NBEAL2: variants seen among roughly 807,000 people sequenced by gnomAD.
NBEAL2 encodes neurobeachin like 2, also known as neurobeachin-like protein 2.
NBEAL2 carries 160 observed loss-of-function variants against 299.8 expected under a neutral mutation model. The ratio of observed to expected loss-of-function variants is 0.53; its 90% CI spans 0.47 to 0.61. The LOEUF is 0.61. Ranked by LOEUF, NBEAL2 falls within the 20% of genes least tolerant of loss-of-function variation. NBEAL2 has a pLI of 0.00. For missense variants in NBEAL2, 3,112 were observed against 3,649.0 expected, an observed-to-expected ratio of 0.85 and a Z score of 3.79; for synonymous variants, 1,493 against 1,542.3, an observed-to-expected ratio of 0.97 and a Z score of 0.75.
rs1553657608 is a variant in NBEAL2 at position 46,991,333 on chromosome 3, G to C, written c.642+29G>C. ...GGCTGGGAGGTGAGCCTGTGGACTA[G>C]AGAGCAGCTCTTTCAGTATCTCTCT... On this transcript the variant is annotated intron_variant, in intron 7 of 53. Coordinates refer to ENST00000450053, the MANE Select transcript of NBEAL2 (RefSeq NM_015175.3). This position sits in a 1 kb window ranked among gnomAD's most constrained non-coding sequence, Gnocchi z 6.2. The C allele has an allele frequency of 6.3e-7, 1 of 1,588,254 alleles. No homozygotes were observed. The highest frequency in any genetic ancestry group is 1.1e-5 in the South Asian group (1 of 87,598).
chr3:47,009,447 GCTCAGGGATTGGCGGGCGATGTTACCCC>G lies in NBEAL2; in HGVS notation c.*146_*173del, dbSNP rs771350275. The G allele has an allele frequency of 3.1e-5, 27 of 867,914 alleles. No homozygotes were observed. The highest frequency in any genetic ancestry group is 2.2e-4 in the South Asian group (14 of 63,932). The allele number at this position is 867,914 out of a possible 1,614,324, so 53.8% of individuals were successfully genotyped here. ...GGGTGAGCGGGGCCCACCCTGCCCA[GCTCAGGGATTGGCGGGCGATGTTACCCC>G]CTCAGGGATTGGCGGGCGGAAGTCC... is the stretch of plus-strand genomic sequence containing the variant. On this transcript the variant is annotated 3_prime_UTR_variant, in exon 54 of 54. Coordinates refer to ENST00000450053, the MANE Select transcript of NBEAL2 (RefSeq NM_015175.3).
At position 46,982,327 on chromosome 3, in the gene NBEAL2, T is replaced by G. The variant is rs1575578208; in HGVS notation, c.51+2415T>G. On this transcript the variant is annotated intron_variant, in intron 1 of 53. Transcript: ENST00000450053. This position sits in a 1 kb window ranked among gnomAD's most constrained non-coding sequence, Gnocchi z 4.2. ...CTCCCTTCAGCAGTGAGAGCTGACATCAGCTGGCAAACCTGTTTCCCCAGT... is the reference window on the plus strand; with the variant it reads ...CTCCCTTCAGCAGTGAGAGCTGACAGCAGCTGGCAAACCTGTTTCCCCAGT... Among the ~76,000 whole-genome samples, 1 of 152,120 alleles carries G rather than the reference T, an allele frequency of 6.6e-6. No individual in the cohort carries two copies. Among genetic ancestry groups the G allele is most frequent in the East Asian group, 1.9e-4 (1 of 5,180 alleles).
Position 46,999,966 on chromosome 3 carries a change from C to T in NBEAL2, c.3867C>T (p.Thr1289=). 6.2e-7 allele frequency: 1 copy of T among 1,612,062 alleles called. No individual in the cohort carries two copies. The highest frequency in any genetic ancestry group is 1.1e-5 in the South Asian group (1 of 91,080). ...AGGCTGGCTGGCAAGATGTGCTGAC[C>T]CGGCTATATGTCCTGGAGGCTGCCA... ...ARQAGWQDVL[T]RLYVLEAATA... Residue 1289 remains threonine (T), a synonymous_variant, in exon 27 of 54, where the codon ACC becomes ACT. Transcript: ENST00000450053.
chr3:46,995,330 A>T lies in NBEAL2; in HGVS notation c.1595A>T (p.Glu532Val), dbSNP rs1333272912. 6.2e-7 allele frequency: 1 copy of T among 1,601,656 alleles called. No homozygotes were observed. The highest frequency in any genetic ancestry group is 2.3e-5 in the East Asian group (1 of 44,238). The change falls in exon 13 of 54, where the codon GAG (glutamate) becomes GTG (valine). Residue 532 changes from glutamate to valine, a missense_variant. Transcript: ENST00000450053. ...ALGRVSIRPMELRHLLRPRPG... is the reference protein window; with the variant it reads ...ALGRVSIRPMVLRHLLRPRPG... ...GGCCGTGTATCAATAAGGCCCATGG[A>T]GCTGCGTCACCTGCTGCGCCCCCGG...
At position 46,996,274 on chromosome 3, in the gene NBEAL2, T is replaced by G; in HGVS notation, c.2155T>G (p.Phe719Val). The G allele has an allele frequency of 6.2e-7, 1 of 1,606,214 alleles. No homozygotes were observed. The highest frequency in any genetic ancestry group is 8.5e-7 in the Non-Finnish European group (1 of 1,179,766). ...PLRCPSLSEPFSSCCIGSAGY... is the reference protein window; with the variant it reads ...PLRCPSLSEPVSSCCIGSAGY... ...TCCCCCAACCCCGGCCCCACAGCCTTTCTCCTCCTGCTGTATCGGCTCCGC... is the reference window on the plus strand; with the variant it reads ...TCCCCCAACCCCGGCCCCACAGCCTGTCTCCTCCTGCTGTATCGGCTCCGC... Residue 719 changes from phenylalanine (F) to valine (V), a missense_variant, in exon 16 of 54, where the codon TTC becomes GTC. This residue lies in a region of NBEAL2 where 2,243 missense variants were observed against 2,538.1 expected (regional missense o/e 0.88). Transcript: ENST00000450053.
chr3:46,992,094 G>T, intron 9 of NBEAL2, 148 bp downstream of exon 9: 2 of 759,376 alleles, frequency 2.6e-6, no homozygotes, highest in South Asian at 3.2e-5. Flanking sequence ...CAGTGGGAGG[G>T]TGTGGGGCAT....
At chr3:47,007,398 C>A (rs750227379) in intron 47 of NBEAL2, 48 bp downstream of exon 47, 1 of 1,560,550 alleles carries the variant, frequency 6.4e-7, no homozygotes, top group Non-Finnish European at 8.7e-7. Flanking sequence ...GCCCTGCACC[C>A]GGAATTATTC....
chr3:46,994,947 C>T (rs905571825), intron 12 of NBEAL2, 85 bp from the exon 13 acceptor site: 76 of 1,463,254 alleles, frequency 5.2e-5, no homozygotes, highest in Non-Finnish European at 6.5e-5. Flanking sequence ...TGACTGCTGC[C>T]GTAGGCAAGT....
Position 46,995,058 on chromosome 3 carries a change from C to T in NBEAL2, c.1323C>T (p.Cys441=), listed in dbSNP as rs1466515100. ...NMAVEGDHSM[C]PPPPIRNEQP... ...CTGTGGAGGGTGACCACAGCATGTG[C>T]CCACCTCCACCAATCCGCAACGAGC... Residue 441 remains cysteine (C), a synonymous_variant, in exon 13 of 54, where the codon TGC becomes TGT. Transcript: ENST00000450053. 2.6e-6 allele frequency: 4 copies of T among 1,552,798 alleles called. No homozygotes were observed. The South Asian group carries it at 3.5e-5, about 14-fold the overall frequency.
chr3:46,999,542 A>C (rs1231221709), intron 25 of NBEAL2, 68 bp downstream of exon 25: 2 of 1,591,378 alleles, frequency 1.3e-6, no homozygotes, highest in Non-Finnish European at 1.7e-6. Flanking sequence ...AGGCCGGAAG[A>C]AGGAAGATAG....
chr3:47,000,989 C>T lies in NBEAL2; in HGVS notation c.4306-12C>T, dbSNP rs1210060877. 1 of 1,594,196 alleles carries T rather than the reference C, an allele frequency of 6.3e-7. No homozygotes were observed. Among genetic ancestry groups the T allele is most frequent in the Non-Finnish European group, 8.5e-7 (1 of 1,170,496 alleles). ...CACAACCCACGCCCACACCACCCACCTGTGCCCACAGCAAACCTCTGAGGA... is the reference window on the plus strand; with the variant it reads ...CACAACCCACGCCCACACCACCCACTTGTGCCCACAGCAAACCTCTGAGGA... On this transcript the variant is annotated splice_polypyrimidine_tract_variant and intron_variant, in intron 27 of 53. Transcript: ENST00000450053. This position sits in a 1 kb window ranked among gnomAD's most constrained non-coding sequence, Gnocchi z 4.5.
intron 22 of NBEAL2, 50 bp downstream of exon 22, chr3:46,998,615 C>T: frequency 2.5e-6 from 4 of 1,580,736 alleles, no homozygotes; most frequent in Non-Finnish European, 3.4e-6. Flanking sequence ...ACAGTGGCCT[C>T]CGGCCTTGGG....
In NBEAL2 at chr3:46,989,897, G is replaced by A. The variant is rs1273777192; in HGVS notation, c.556+304G>A. On this transcript the variant is annotated intron_variant, in intron 6 of 53. Transcript: ENST00000450053. The surrounding 1 kb of genome is among the most constrained non-coding windows in gnomAD (Gnocchi z 5.5). The stretch of plus-strand genomic sequence containing the variant: ...CCTACTGTGATCTTAAAACTCTCTG[G>A]TCCAATCCCTTTGTCCCCATAGCCT... Among the ~76,000 whole-genome samples the A allele has an allele frequency of 2.0e-5, 3 of 152,070 alleles. No homozygotes were observed. Among genetic ancestry groups the A allele is most frequent in the African/African-American group, 7.3e-5 (3 of 41,378 alleles).
In NBEAL2 at chr3:46,988,100, G is replaced by C; in HGVS notation, c.52-569G>C. The C allele has an allele frequency of 8.3e-7, 1 of 1,203,266 alleles. No homozygotes were observed. 74.5% of individuals were successfully genotyped at this position (1,203,266 alleles called of 1,614,324 possible). On this transcript the variant is annotated intron_variant, in intron 1 of 53. Coordinates refer to ENST00000450053, the MANE Select transcript of NBEAL2 (RefSeq NM_015175.3). This position sits in a 1 kb window ranked among gnomAD's most constrained non-coding sequence, Gnocchi z 4.4. Reference sequence around the variant, plus strand: ...CAGGTAACCAGCAAGGGTGGGTGGAGGTTCCCGGGGCAAGGCAGGGCCGCA... The same window carrying C: ...CAGGTAACCAGCAAGGGTGGGTGGACGTTCCCGGGGCAAGGCAGGGCCGCA...
At position 46,998,975 on chromosome 3, in the gene NBEAL2, ACCTGCTGCTGGCCCTGCTGCACGGTTC is replaced by A. The variant is rs1306448635; in HGVS notation, c.3406_3432del (p.Leu1136_Leu1144del). 4.4e-6 allele frequency: 7 copies of A among 1,607,240 alleles called. No individual in the cohort carries two copies. Among genetic ancestry groups the A allele is most frequent in the Non-Finnish European group, 5.9e-6 (7 of 1,177,270 alleles). ...CATCCCCAGGCGGTGGGTGCGCTGGACCTGCTGCTGGCCCTGCTGCACGGTTCCCTGGTGCAGGAGTCCTTGGCTGTC... is the reference window on the plus strand; with the variant it reads ...CATCCCCAGGCGGTGGGTGCGCTGGACCTGGTGCAGGAGTCCTTGGCTGTC... On this transcript the variant is annotated inframe_deletion, in exon 24 of 54. Transcript: ENST00000450053.
rs1377435970 is a variant in NBEAL2, at chr3:46,993,976, G to A, written c.1153G>A (p.Val385Ile). 1 of 1,612,082 alleles carries A rather than the reference G, an allele frequency of 6.2e-7. No individual in the cohort carries two copies. The highest frequency in any genetic ancestry group is 1.1e-5 in the South Asian group (1 of 90,612). Residue 385 changes from valine (V) to isoleucine (I), a missense_variant, in exon 11 of 54, where the codon GTC becomes ATC. Coordinates refer to ENST00000450053, the MANE Select transcript of NBEAL2 (RefSeq NM_015175.3). ...QDTDAIAVHV[V>I]RVLTCIMSDS... ...CACAGACGCCATTGCAGTCCATGTAGTCAGAGTGCTGACCTGCATCATGAG... is the reference window on the plus strand; with the variant it reads ...CACAGACGCCATTGCAGTCCATGTAATCAGAGTGCTGACCTGCATCATGAG...
Position 47,001,297 on chromosome 3 carries a change from G to C in NBEAL2, c.4503G>C (p.Leu1501=). Residue 1501 remains leucine, a synonymous_variant, in exon 29 of 54, where the codon CTG becomes CTC. Coordinates refer to ENST00000450053, the MANE Select transcript of NBEAL2 (RefSeq NM_015175.3). This position sits in a 1 kb window ranked among gnomAD's most constrained non-coding sequence, Gnocchi z 6.1. ...CCGCCAGCCTCCTGGAGATGATGCT[G>C]GAGTCAGCCCTGACCGACATCAAAG... ...CIKRSLLEMM[L]ESALTDIKEA... is the part of the protein sequence containing the mutation. The C allele has an allele frequency of 1.2e-6, 2 of 1,608,098 alleles. No individual in the cohort carries two copies. The highest frequency in any genetic ancestry group is 2.7e-5 in the African/African-American group (2 of 74,922).
chr3:46,997,952 G>T (rs2036623208), intron 20 of NBEAL2, 115 bp from the exon 21 acceptor site: 2 of 1,345,454 alleles, frequency 1.5e-6, no homozygotes, highest in Non-Finnish European at 2.0e-6. Context: ...TTCTGAGCAG[G>T]CTGGTGGCCA....
At position 46,991,386 on chromosome 3, in the gene NBEAL2, A is replaced by T. The variant is rs1263469718; in HGVS notation, c.643-20A>T. 6.3e-7 allele frequency: 1 copy of T among 1,592,520 alleles called. No individual in the cohort carries two copies. Among genetic ancestry groups the T allele is most frequent in the African/African-American group, 1.3e-5 (1 of 74,542 alleles). On this transcript the variant is annotated intron_variant, in intron 7 of 53. Transcript: ENST00000450053. This position sits in a 1 kb window ranked among gnomAD's most constrained non-coding sequence, Gnocchi z 6.2. Reference sequence around the variant, plus strand: ...TGGGTGAGCCCCTTGCCCACTGCCCATCTCTGTCCACACCTGCAGGAGAAC... The same window carrying T: ...TGGGTGAGCCCCTTGCCCACTGCCCTTCTCTGTCCACACCTGCAGGAGAAC...
Sources: allele counts gnomAD v4.1 joint callset (sites outside exome capture counted in the v4.1 genomes callset), GRCh38; gene constraint gnomAD v4.1.1; regional missense constraint gnomAD v4.1.1; non-coding constraint Gnocchi (gnomAD v3.1); transcripts MANE v1.5; gene names NCBI Gene and HGNC (gene_info 2026-07-23, HGNC 2026-07-21).